Variants in TLL1 observed in about 807,000 individuals in gnomAD.
TLL1 encodes the protein tolloid like 1, also known as tolloid-like protein 1.
TLL1 carries 49 observed loss-of-function variants against 128.2 expected under a neutral mutation model. That is an observed-to-expected ratio of 0.38 (90% CI 0.30 to 0.48). TLL1 has a LOEUF of 0.48. TLL1 is among the 20% of genes least tolerant of loss of function. The pLI is 0.96. For missense variants in TLL1, 1,123 were observed against 1,242.0 expected, an observed-to-expected ratio of 0.90 and a Z score of 1.44; for synonymous variants, 454 against 418.8, an observed-to-expected ratio of 1.08 and a Z score of -1.03.
intron 1 of TLL1, among the ~76,000 whole-genome samples, chr4:165,961,279 A>C (rs7654227): frequency 0.77 from 117,584 of 152,054 alleles, 46,585 homozygotes; most frequent in African/African-American, 0.95. Context: ...TGAAAGATCT[A>C]TACAAGGAGA....
intron 1 of TLL1, among the ~76,000 whole-genome samples, chr4:165,900,714 T>C (rs1308917772): frequency 6.6e-6 from 1 of 152,206 alleles, no homozygotes; most frequent in East Asian, 1.9e-4. Flanking sequence ...ATTATGTGTA[T>C]TGGGTTTGCT....
chr4:165,922,789 T>G (rs759516831), intron 1 of TLL1, among the ~76,000 whole-genome samples: 1 of 152,222 alleles, frequency 6.6e-6, no homozygotes, highest in Non-Finnish European at 1.5e-5. Context: ...TCTCAGAATT[T>G]ATATGTATGT....
chr4:165,902,378 T>G (rs1018184422), intron 1 of TLL1, among the ~76,000 whole-genome samples: 1 of 152,042 alleles, frequency 6.6e-6, no homozygotes, highest in African/African-American at 2.4e-5. Context: ...GGCTGCCCAG[T>G]TTTGTGCTTG....
rs535909017 is a variant in TLL1 at position 165,925,168 on chromosome 4, T to C, written c.169+51095T>C. ...GAGCAATTTTGGCTTTCAAGTGTTA[T>C]TGGTTAAGAAATACATTTTGTATGG... is the stretch of plus-strand genomic sequence containing the variant. On this transcript the variant is annotated intron_variant, in intron 1 of 20. Transcript: ENST00000061240. 2.6e-5 allele frequency among the ~76,000 whole-genome samples: 4 copies of C among 152,342 alleles called. No homozygotes were observed. In the South Asian group the frequency reaches 8.3e-4, roughly 32 times the overall value.
At chr4:165,915,800 T>C (rs776597159) in intron 1 of TLL1, among the ~76,000 whole-genome samples, 1 of 152,204 alleles carries the variant, frequency 6.6e-6, no homozygotes, top group Non-Finnish European at 1.5e-5. Context: ...CTCTTCACTG[T>C]AAATACCAAC....
chr4:165,994,012 T>G (rs1736754353), intron 3 of TLL1, among the ~76,000 whole-genome samples: 1 of 152,134 alleles, frequency 6.6e-6, no homozygotes, highest in Admixed American at 6.6e-5. Context: ...ATCATGGGAC[T>G]TTATTAAACA....
intron 19 of TLL1, among the ~76,000 whole-genome samples, chr4:166,098,597 T>C (rs1742137299): frequency 6.6e-6 from 1 of 152,052 alleles, no homozygotes; most frequent in Non-Finnish European, 1.5e-5. Context: ...TATTGTTGGA[T>C]AGGTTGTAGA....
intron 9 of TLL1, among the ~76,000 whole-genome samples, chr4:166,027,018 GA>G (rs1475242357): frequency 6.6e-6 from 1 of 152,030 alleles, no homozygotes; most frequent in Non-Finnish European, 1.5e-5. Flanking sequence ...ATGGGATAAA[GA>G]AAATGTGGTA....
chr4:166,096,787 C>T (rs1397523242), intron 19 of TLL1, among the ~76,000 whole-genome samples: 5 of 152,210 alleles, frequency 3.3e-5, no homozygotes, highest in East Asian at 1.9e-4. Context: ...AATGAGATTA[C>T]AGTGATTTAC....
intron 16 of TLL1, among the ~76,000 whole-genome samples, chr4:166,071,972 T>C (rs1333462796): frequency 1.1e-4 from 16 of 152,000 alleles, no homozygotes; most frequent in Admixed American, 1.1e-3. Flanking sequence ...ACCAAAATTT[T>C]TTTAGTCTGC....
chr4:165,994,313 C>T, intron 3 of TLL1, 68 bp from the exon 4 acceptor site: 2 of 1,590,670 alleles, frequency 1.3e-6, no homozygotes, highest in Non-Finnish European at 1.7e-6. Context: ...AACTTTTGTC[C>T]TTTAAGAGGT....
chr4:166,030,432 A>G (rs1738713882), intron 9 of TLL1: 2 of 563,104 alleles, frequency 3.6e-6, no homozygotes, highest in Non-Finnish European at 6.5e-6. Context: ...TGATTTGCAT[A>G]TATTTTCTCC....
intron 15 of TLL1, among the ~76,000 whole-genome samples, chr4:166,060,621 G>A (rs966030114): frequency 7.2e-5 from 11 of 152,140 alleles, no homozygotes; most frequent in African/African-American, 2.7e-4. Context: ...CATTATGAAT[G>A]TGCTCGTGGT....
At chr4:166,092,850 G>A (rs1041522449) in intron 19 of TLL1, among the ~76,000 whole-genome samples, 8 of 152,040 alleles carry the variant, frequency 5.3e-5, no homozygotes, top group African/African-American at 1.9e-4. Context: ...TGCTACAAGT[G>A]AACCCTTAAC....
chr4:165,975,719 G>T (rs1321401902), intron 1 of TLL1, among the ~76,000 whole-genome samples: 1 of 152,040 alleles, frequency 6.6e-6, no homozygotes, highest in Non-Finnish European at 1.5e-5. Flanking sequence ...CATAGTCAAT[G>T]GGAAACTATT....
At position 165,989,663 on chromosome 4, in the gene TLL1, A is replaced by ATTT. The variant is rs5863792; in HGVS notation, c.280+185_280+187dup. Among the ~76,000 whole-genome samples the ATTT allele has an allele frequency of 8.2e-4, 119 of 145,608 alleles. 1 individual carries two copies. Among genetic ancestry groups the ATTT allele is most frequent in the African/African-American group, 2.9e-3 (114 of 39,794 alleles). On this transcript the variant is annotated intron_variant, in intron 2 of 20. Transcript: ENST00000061240. ...TTTATTCATAGTTTTCATTTTATTA[A>ATTT]TTTTTTTTTTTTTTTACCAAACAGG...
intron 1 of TLL1, among the ~76,000 whole-genome samples, chr4:165,888,387 A>G (rs971286740): frequency 6.6e-6 from 1 of 152,112 alleles, no homozygotes; most frequent in African/African-American, 2.4e-5. Flanking sequence ...CCTACCTTGC[A>G]TTCCTGGGAT....
chr4:166,088,994 T>C lies in TLL1; in HGVS notation c.2443-2134T>C, dbSNP rs377697852. On this transcript the variant is annotated intron_variant, in intron 18 of 20. Transcript: ENST00000061240. ...TGATTCCAGCTTTAGCCATTACTTA[T>C]AGCAAATACTTTAGAATGCCACTAC... Among the ~76,000 whole-genome samples, 7 of 152,292 alleles carry C rather than the reference T, an allele frequency of 4.6e-5. No homozygotes were observed. The Middle Eastern group carries it at 0.014, about 296-fold the overall frequency.
At chr4:165,923,286 G>C (rs539169633) in intron 1 of TLL1, among the ~76,000 whole-genome samples, 2 of 151,786 alleles carry the variant, frequency 1.3e-5, no homozygotes, top group Admixed American at 6.6e-5. Flanking sequence ...GCTGACTTTT[G>C]TAAGTAAGAG....
Sources: allele counts gnomAD v4.1 joint callset (sites outside exome capture counted in the v4.1 genomes callset), GRCh38; gene constraint gnomAD v4.1.1; transcripts MANE v1.5; gene names NCBI Gene and HGNC (gene_info 2026-07-23, HGNC 2026-07-21).